Variants in NEGR1 observed in about 807,000 individuals in gnomAD.
The protein encoded by NEGR1 is neuronal growth regulator 1.
In NEGR1, 10 loss-of-function variants were observed where a neutral mutation model predicts 40.9. The observed-to-expected ratio is 0.24, with a 90% CI of 0.15 to 0.42. NEGR1 has a LOEUF of 0.42. Ranked by LOEUF, NEGR1 falls within the 10% of genes least tolerant of loss-of-function variation. The probability of loss-of-function intolerance (pLI) is 1.00; values close to 1 mark genes in which losing one functional copy is unlikely to be tolerated. For synonymous variants in NEGR1, 185 were observed against 166.8 expected, an observed-to-expected ratio of 1.11 and a Z score of -0.84; for missense variants, 352 against 438.9, an observed-to-expected ratio of 0.80 and a Z score of 1.77.
chr1:71,915,407 G>T (rs961261057), intron 2 of NEGR1, among the ~76,000 whole-genome samples: 7 of 152,006 alleles, frequency 4.6e-5, no homozygotes, highest in Non-Finnish European at 1.0e-4. Context: ...ATAAATAAAA[G>T]GAGAAATTGA....
chr1:72,264,500 C>A (rs1655572500), intron 1 of NEGR1, among the ~76,000 whole-genome samples: 1 of 149,888 alleles, frequency 6.7e-6, no homozygotes, highest in Admixed American at 6.7e-5. Flanking sequence ...GCTAGATATT[C>A]TATATTTAAG....
At chr1:72,241,900 C>A (rs1654755743) in intron 1 of NEGR1, among the ~76,000 whole-genome samples, 1 of 151,564 alleles carries the variant, frequency 6.6e-6, no homozygotes, top group Non-Finnish European at 1.5e-5. Context: ...AACTTCTAAA[C>A]CTGCAAGATA....
intron 6 of NEGR1, among the ~76,000 whole-genome samples, chr1:71,563,356 T>C (rs907635691): frequency 2.0e-5 from 3 of 151,978 alleles, no homozygotes; most frequent in African/African-American, 7.2e-5. Context: ...CCTCAATGTT[T>C]TTATGCTGCT....
intron 6 of NEGR1, among the ~76,000 whole-genome samples, chr1:71,484,585 G>A (rs1646875204): frequency 6.6e-6 from 1 of 151,656 alleles, no homozygotes; most frequent in Non-Finnish European, 1.5e-5. Context: ...TTAATTTAAC[G>A]AATATTACCA....
At chr1:71,415,734 T>C (rs977560283) in intron 6 of NEGR1, among the ~76,000 whole-genome samples, 1 of 152,190 alleles carries the variant, frequency 6.6e-6, no homozygotes, top group South Asian at 2.1e-4. Context: ...GTTTACTCTA[T>C]TTTAGAAACT....
At chr1:72,235,031 G>T (rs1027055146) in intron 1 of NEGR1, among the ~76,000 whole-genome samples, 2 of 152,082 alleles carry the variant, frequency 1.3e-5, no homozygotes. Flanking sequence ...AATAATGACA[G>T]ACTGGATAAA....
intron 1 of NEGR1, among the ~76,000 whole-genome samples, chr1:72,089,454 T>G (rs753982214): frequency 6.6e-6 from 1 of 152,236 alleles, no homozygotes; most frequent in African/African-American, 2.4e-5. Flanking sequence ...AAAGCTTATG[T>G]CATTTCCAAG....
At chr1:71,960,245 A>T (rs1229544076) in intron 1 of NEGR1, among the ~76,000 whole-genome samples, 1 of 152,180 alleles carries the variant, frequency 6.6e-6, no homozygotes, top group African/African-American at 2.4e-5. Context: ...TCTTTCAATC[A>T]AATTATCTCA....
At chr1:71,664,735 A>G (rs1026895992) in intron 4 of NEGR1, among the ~76,000 whole-genome samples, 1 of 152,010 alleles carries the variant, frequency 6.6e-6, no homozygotes, top group South Asian at 2.1e-4. Context: ...GAGAAAAAAA[A>G]ATATATATCT....
At chr1:71,722,108 T>C (rs1022435796) in intron 3 of NEGR1, among the ~76,000 whole-genome samples, 1 of 152,092 alleles carries the variant, frequency 6.6e-6, no homozygotes. Flanking sequence ...TATCTGGTTG[T>C]GCTTTTAGAA....
chr1:72,228,708 A>G (rs573982447), intron 1 of NEGR1, among the ~76,000 whole-genome samples: 1 of 152,202 alleles, frequency 6.6e-6, no homozygotes, highest in Admixed American at 6.6e-5. Flanking sequence ...AGACCAAAAG[A>G]TGACCAGGGA....
In NEGR1 at chr1:72,259,010, T is replaced by C. The variant is rs76487400; in HGVS notation, c.176+23309A>G. On this transcript the variant is annotated intron_variant, in intron 1 of 6. Coordinates refer to ENST00000357731, the MANE Select transcript of NEGR1 (RefSeq NM_173808.3). The stretch of plus-strand genomic sequence containing the variant: ...TTTAAAAAGGCACCTCAATATAAAA[T>C]ATGGTTTTCTGCTGACTTCCAAGCC... Among the ~76,000 whole-genome samples, 142 of 152,198 alleles carry C rather than the reference T, an allele frequency of 9.3e-4. 2 individuals are homozygous for C. In the East Asian group the frequency reaches 0.021, roughly 23 times the overall value.
At chr1:71,716,190 AC>A (rs1443251272) in intron 3 of NEGR1, among the ~76,000 whole-genome samples, 9 of 152,072 alleles carry the variant, frequency 5.9e-5, no homozygotes, top group Non-Finnish European at 1.0e-4. Flanking sequence ...ATGAGAACTC[AC>A]TCAGTATCAC....
intron 2 of NEGR1, among the ~76,000 whole-genome samples, chr1:71,795,852 C>T (rs574315292): frequency 2.5e-4 from 38 of 152,096 alleles, no homozygotes; most frequent in African/African-American, 9.2e-4. Context: ...ACTAAAAGTC[C>T]AATCCTTTAG....
intron 1 of NEGR1, among the ~76,000 whole-genome samples, chr1:72,130,822 C>G (rs1208091172): frequency 1.3e-5 from 2 of 152,034 alleles, no homozygotes; most frequent in Non-Finnish European, 2.9e-5. Context: ...TATGCTATCT[C>G]TATATTATCT....
chr1:72,159,969 T>C (rs887136475), intron 1 of NEGR1, among the ~76,000 whole-genome samples: 1 of 152,074 alleles, frequency 6.6e-6, no homozygotes, highest in African/African-American at 2.4e-5. Context: ...TAGCCAAAGT[T>C]AAATTAAATA....
intron 3 of NEGR1, among the ~76,000 whole-genome samples, chr1:71,749,988 CTTTT>C (rs768011020): frequency 7.3e-6 from 1 of 136,626 alleles, no homozygotes; most frequent in Non-Finnish European, 1.6e-5. Flanking sequence ...TTGCTCCTTT[CTTTT>C]TTTTTTTTTT....
chr1:71,551,903 C>T (rs532609179), intron 6 of NEGR1, among the ~76,000 whole-genome samples: 4 of 151,550 alleles, frequency 2.6e-5, no homozygotes, highest in Non-Finnish European at 5.9e-5. Context: ...AAACATGGGC[C>T]CAAAGTGTGA....
At chr1:71,998,543 C>T (rs1646525972) in intron 1 of NEGR1, among the ~76,000 whole-genome samples, 1 of 151,688 alleles carries the variant, frequency 6.6e-6, no homozygotes, top group African/African-American at 2.4e-5. Flanking sequence ...CACCTTTAAG[C>T]CTCATGTTTT....
Sources: allele counts gnomAD v4.1 joint callset (sites outside exome capture counted in the v4.1 genomes callset), GRCh38; gene constraint gnomAD v4.1.1; transcripts MANE v1.5; gene names NCBI Gene and HGNC (gene_info 2026-07-23, HGNC 2026-07-21).